The following SLIT2 variants were observed in gnomAD, a reference collection of about 807,000 sequenced individuals.
SLIT2 encodes the protein slit guidance ligand 2, also known as slit homolog 2 protein.
A neutral mutation model predicts 185.7 loss-of-function variants in SLIT2; 41 were observed. The observed-to-expected ratio is 0.22, with a 90% CI of 0.17 to 0.29. The LOEUF is 0.29. Ranked by LOEUF, SLIT2 falls within the 10% of genes least tolerant of loss-of-function variation. The probability of loss-of-function intolerance (pLI) is 1.00; values close to 1 mark genes in which losing one functional copy is unlikely to be tolerated. For synonymous variants in SLIT2, 693 were observed against 680.2 expected (o/e 1.02, Z -0.29); for missense variants, 1,571 against 1,909.0 (o/e 0.82, Z 3.30).
intron 4 of SLIT2, among the ~76,000 whole-genome samples, chr4:20,429,768 A>C (rs1380052444): frequency 2.0e-5 from 3 of 152,176 alleles, no homozygotes; most frequent in Non-Finnish European, 2.9e-5. Context: ...CCTGTGCCAT[A>C]AATTTATATT....
At chr4:20,537,519 T>C (rs1389901761) in intron 18 of SLIT2, among the ~76,000 whole-genome samples, 13 of 152,200 alleles carry the variant, frequency 8.5e-5, no homozygotes, top group Non-Finnish European at 5.9e-5. Flanking sequence ...CTTCTTGTTT[T>C]GTTTTTCATT....
intron 18 of SLIT2, among the ~76,000 whole-genome samples, chr4:20,534,804 G>A (rs1385448535): frequency 6.6e-6 from 1 of 152,060 alleles, no homozygotes; most frequent in Non-Finnish European, 1.5e-5. Context: ...AGCAAGATGT[G>A]TTTATAGCAT....
At chr4:20,356,305 G>T (rs1194395166) in intron 4 of SLIT2, among the ~76,000 whole-genome samples, 6 of 152,026 alleles carry the variant, frequency 3.9e-5, no homozygotes, top group Non-Finnish European at 8.8e-5. Context: ...CTCCACCCAG[G>T]TCAAATATCC....
intron 29 of SLIT2, among the ~76,000 whole-genome samples, chr4:20,577,426 C>T (rs1362679032): frequency 6.6e-6 from 1 of 152,158 alleles, no homozygotes; most frequent in African/African-American, 2.4e-5. Flanking sequence ...TTTTATCTCA[C>T]AGGGTTTCTC....
At chr4:20,596,087 A>G (rs1384112781) in intron 31 of SLIT2, among the ~76,000 whole-genome samples, 1 of 152,186 alleles carries the variant, frequency 6.6e-6, no homozygotes, top group East Asian at 1.9e-4. Context: ...ACCCACAAAA[A>G]TTAAAATAAA....
chr4:20,441,531 C>A (rs531194092), intron 4 of SLIT2, among the ~76,000 whole-genome samples: 62 of 148,822 alleles, frequency 4.2e-4, no homozygotes, highest in African/African-American at 1.5e-3. Flanking sequence ...CTCTCTCTCT[C>A]TCTCTCTCTC....
intron 33 of SLIT2, among the ~76,000 whole-genome samples, chr4:20,603,820 T>C (rs1178475754): frequency 6.6e-6 from 1 of 152,158 alleles, no homozygotes; most frequent in Non-Finnish European, 1.5e-5. Context: ...TCAACAAAGA[T>C]TATCTTTGTA....
chr4:20,381,975 A>G (rs1724564764), intron 4 of SLIT2, among the ~76,000 whole-genome samples: 1 of 152,094 alleles, frequency 6.6e-6, no homozygotes, highest in African/African-American at 2.4e-5. Flanking sequence ...ACATAAATAC[A>G]AAACTCCTTT....
chr4:20,538,173 G>T (rs1722472596), intron 18 of SLIT2, among the ~76,000 whole-genome samples: 1 of 152,104 alleles, frequency 6.6e-6, no homozygotes, highest in Non-Finnish European at 1.5e-5. Context: ...TGTTAGCCAG[G>T]ATGGTCTTGA....
intron 4 of SLIT2, chr4:20,364,374 G>T: frequency 1.5e-6 from 1 of 646,250 alleles, no homozygotes; most frequent in Non-Finnish European, 1.9e-6. Flanking sequence ...GCTCTCTACT[G>T]CAAAGAGAAA....
chr4:20,305,648 A>G (rs1223052512), intron 4 of SLIT2, among the ~76,000 whole-genome samples: 1 of 151,522 alleles, frequency 6.6e-6, no homozygotes, highest in African/African-American at 2.4e-5. Flanking sequence ...CGAGGTGGGC[A>G]GATCACTTGA....
At chr4:20,261,332 A>C (rs750658335) in intron 3 of SLIT2, among the ~76,000 whole-genome samples, 1 of 151,950 alleles carries the variant, frequency 6.6e-6, no homozygotes, top group Non-Finnish European at 1.5e-5. Context: ...AAGAATCAGG[A>C]CACTTAGGAA....
chr4:20,551,314 T>C (rs1054085459), intron 25 of SLIT2, among the ~76,000 whole-genome samples: 7 of 152,212 alleles, frequency 4.6e-5, no homozygotes, highest in South Asian at 2.1e-4. Context: ...GATTTACTTA[T>C]TCAGCATCAA....
At chr4:20,444,031 A>C (rs927884236) in intron 4 of SLIT2, among the ~76,000 whole-genome samples, 2 of 152,146 alleles carry the variant, frequency 1.3e-5, no homozygotes, top group Non-Finnish European at 2.9e-5. Context: ...ATTAATATGC[A>C]CTCAAAGGAT....
intron 14 of SLIT2, 145 bp from the exon 15 acceptor site, chr4:20,525,004 A>T (rs1721159095): frequency 1.5e-6 from 1 of 650,648 alleles, no homozygotes; most frequent in African/African-American, 1.8e-5. Flanking sequence ...CTCACTGTAC[A>T]TTATTGTACT....
At chr4:20,385,740 G>C (rs566651349) in intron 4 of SLIT2, among the ~76,000 whole-genome samples, 113 of 152,258 alleles carry the variant, frequency 7.4e-4, no homozygotes, top group African/African-American at 2.6e-3. Flanking sequence ...TATAATTCCT[G>C]TGATTCTTGT....
Position 20,548,519 on chromosome 4 carries a change from T to G in SLIT2, c.2377T>G (p.Ser793Ala). ...DLSNNRISTL[S>A]NQSFSNMTQL... ...AAGTAACAACAGAATAAGCACGCTT[T>G]CTAATCAGAGCTTCAGCAACATGAC... The change falls in exon 23 of 37, where the codon TCT (serine) becomes GCT (alanine). Residue 793 changes from serine (S) to alanine (A), a missense_variant. Transcript: ENST00000504154. 1 of 1,607,532 alleles carries G rather than the reference T, an allele frequency of 6.2e-7. No individual in the cohort carries two copies. The highest frequency in any genetic ancestry group is 8.5e-7 in the Non-Finnish European group (1 of 1,174,250).
intron 4 of SLIT2, among the ~76,000 whole-genome samples, chr4:20,334,184 G>T (rs1177638616): frequency 3.3e-5 from 5 of 152,132 alleles, no homozygotes; most frequent in African/African-American, 1.2e-4. Flanking sequence ...AGATTATGTT[G>T]CACTGGGTTG....
chr4:20,295,604 G>A (rs769742823), intron 4 of SLIT2, among the ~76,000 whole-genome samples: 8 of 152,214 alleles, frequency 5.3e-5, no homozygotes, highest in East Asian at 1.9e-4. Context: ...CAGTCCCTGC[G>A]TCATGCCCCT....
Sources: allele counts gnomAD v4.1 joint callset (sites outside exome capture counted in the v4.1 genomes callset), GRCh38; gene constraint gnomAD v4.1.1; transcripts MANE v1.5; gene names NCBI Gene and HGNC (gene_info 2026-07-23, HGNC 2026-07-21).